CFAP47: variants seen among roughly 807,000 people sequenced by gnomAD.
CFAP47 encodes cilia and flagella associated protein 47.
Under a neutral mutation model 148.1 loss-of-function variants are expected in CFAP47, and 29 were observed. That is an observed-to-expected ratio of 0.20 (90% CI 0.15 to 0.27). The LOEUF is 0.27. CFAP47 is among the 10% of genes least tolerant of loss of function. CFAP47 has a pLI of 1.00. For missense variants in CFAP47, 1,872 were observed against 1,697.5 expected, an observed-to-expected ratio of 1.10 and a Z score of -1.81; for synonymous variants, 664 against 577.3, an observed-to-expected ratio of 1.15 and a Z score of -2.15.
chrX:35,970,863 A>C lies in CFAP47; in HGVS notation c.1910A>C (p.Tyr637Ser). The C allele has an allele frequency of 3.4e-6, 4 of 1,191,143 alleles. No homozygotes were observed. The highest frequency in any genetic ancestry group is 4.5e-6 in the Non-Finnish European group (4 of 881,825). ...EKQQKKLHEN[Y>S]YAMYLKYLRS... Reference sequence around the variant, plus strand: ...CAGCAAAAGAAATTACATGAAAACTATTATGCAATGTATCTTAAATATTTA... The same window carrying C: ...CAGCAAAAGAAATTACATGAAAACTCTTATGCAATGTATCTTAAATATTTA... The change falls in exon 11 of 64, where the codon TAT becomes TCT. Residue 637 changes from tyrosine (Y) to serine (S), a missense_variant. Tyr to Ser is a moderately radical substitution (Grantham distance 144). Transcript: ENST00000378653.
chrX:36,192,716 T>C (rs948539545), intron 42 of CFAP47, among the ~76,000 whole-genome samples: 3 of 111,795 alleles, frequency 2.7e-5, no homozygotes, highest in African/African-American at 9.8e-5. Flanking sequence ...TTCCACCTGG[T>C]AGATTTATCT....
intron 18 of CFAP47, among the ~76,000 whole-genome samples, chrX:35,995,519 G>A (rs1936836817): frequency 9.0e-6 from 1 of 111,249 alleles, no homozygotes; most frequent in Admixed American, 9.6e-5. Flanking sequence ...ATAAATATAT[G>A]GGGATTGGTG....
In CFAP47 at chrX:36,099,777, T is replaced by C; in HGVS notation, c.5025T>C (p.Ser1675=). Residue 1675 remains serine (S), a synonymous_variant, in exon 32 of 64, where the codon AGT becomes AGC. Transcript: ENST00000378653. ...CTTCCACTAATACGATGCCTGTGAGTTCCTGTACACCTAAGAAAAAATGTT... is the reference window on the plus strand; with the variant it reads ...CTTCCACTAATACGATGCCTGTGAGCTCCTGTACACCTAAGAAAAAATGTT... ...IMSSTNTMPV[S]SCTPKKKCSI... The C allele has an allele frequency of 1.2e-6, 1 of 864,540 alleles. No individual in the cohort carries two copies. Among genetic ancestry groups the C allele is most frequent in the Non-Finnish European group, 1.7e-6 (1 of 583,772 alleles). 71.2% of individuals were successfully genotyped at this position (864,540 alleles called of 1,213,427 possible).
intron 57 of CFAP47, among the ~76,000 whole-genome samples, chrX:36,332,297 T>G (rs1941571448): frequency 2.0e-5 from 1 of 50,081 alleles, no homozygotes; most frequent in South Asian, 1.7e-3. Context: ...TGAACTAAAA[T>G]TATCTTTTTT....
chrX:36,285,629 A>G lies in CFAP47; in HGVS notation c.7589A>G (p.Tyr2530Cys), dbSNP rs781908648. 19 of 832,928 alleles carry G rather than the reference A, an allele frequency of 2.3e-5. No individual in the cohort carries two copies. Among genetic ancestry groups the G allele is most frequent in the Non-Finnish European group, 3.2e-5 (18 of 570,513 alleles). The allele number at this position is 832,928 out of a possible 1,213,427, so 68.6% of individuals were successfully genotyped here. Residue 2530 changes from tyrosine to cysteine, a missense_variant and splice_region_variant, in exon 51 of 64, where the codon TAT becomes TGT. Coordinates refer to ENST00000378653, the MANE Select transcript of CFAP47 (RefSeq NM_001304548.2). ...AAAAGTGTTTTGTTTTGTTTTTCAG[A>G]TGGTAATTTTAACAATTTAAGATTC... ...QSSILDDADT[Y>C]GNFNNLRFWY... is the part of the protein sequence containing the mutation.
At chrX:36,351,791 A>C (rs59055176) in intron 59 of CFAP47, among the ~76,000 whole-genome samples, 11,818 of 110,876 alleles carry the variant, frequency 0.11, 516 homozygotes, top group East Asian at 0.26. Flanking sequence ...CCAAAATCTA[A>C]AATCTATGCT....
At chrX:36,376,474 T>C (rs1323075623) in intron 62 of CFAP47, among the ~76,000 whole-genome samples, 1 of 110,934 alleles carries the variant, frequency 9.0e-6, no homozygotes, top group Non-Finnish European at 1.9e-5. Flanking sequence ...AGTCAGAACA[T>C]TGGATGTCTG....
chrX:36,128,478 G>A (rs772496618), intron 33 of CFAP47, among the ~76,000 whole-genome samples: 27 of 110,793 alleles, frequency 2.4e-4, no homozygotes, highest in Non-Finnish European at 4.6e-4. Flanking sequence ...TGTAAATTTG[G>A]CATATAAGAT....
rs755026663 is a variant in CFAP47, at chrX:36,173,686, C to CT, written c.6027-5655dup. Reference sequence around the variant, plus strand: ...GAGACAGTTTGTTATAATTTCTATTCTTTTACATTTGCTGAGGAGAGCTTT... The same window carrying CT: ...GAGACAGTTTGTTATAATTTCTATTCTTTTTACATTTGCTGAGGAGAGCTTT... On this transcript the variant is annotated intron_variant, in intron 39 of 63. Transcript: ENST00000378653. Among the ~76,000 whole-genome samples, 240 of 111,697 alleles carry CT rather than the reference C, an allele frequency of 2.1e-3. 1 individual carries two copies. The highest frequency in any genetic ancestry group is 7.5e-3 in the African/African-American group (229 of 30,733).
chrX:36,005,964 A>G (rs1936977882), intron 21 of CFAP47, among the ~76,000 whole-genome samples: 1 of 111,109 alleles, frequency 9.0e-6, no homozygotes, highest in Admixed American at 9.6e-5. Context: ...AATGTTCTGC[A>G]GTAATTTATA....
At chrX:36,097,331 C>T (rs1022724288) in intron 30 of CFAP47, among the ~76,000 whole-genome samples, 4 of 110,587 alleles carry the variant, frequency 3.6e-5, no homozygotes, top group African/African-American at 1.3e-4. Context: ...CTTACTATTG[C>T]CTTTGAGTTT....
intron 54 of CFAP47, among the ~76,000 whole-genome samples, chrX:36,304,680 C>A (rs1238236556): frequency 9.0e-6 from 1 of 110,852 alleles, no homozygotes; most frequent in African/African-American, 3.3e-5. Flanking sequence ...GCCCATCCCC[C>A]ATTCCTCACC....
At position 36,039,080 on chromosome X, in the gene CFAP47, C is replaced by T. The variant is rs1452365154; in HGVS notation, c.3908C>T (p.Pro1303Leu). ...CATCTTACTGGGGAAGTAAAATCAC[C>T]AGAGTTATTGTTTGACCCTCCATTT... ...ILHLTGEVKS[P>L]ELLFDPPFIF... The change falls in exon 25 of 64, where the codon CCA becomes CTA. Residue 1303 changes from proline (P) to leucine (L), a missense_variant. Physicochemically the swap from Pro to Leu is moderately conservative, Grantham distance 98 (BLOSUM62 -3). Transcript: ENST00000378653. 9.0e-7 allele frequency: 1 copy of T among 1,109,810 alleles called. No individual in the cohort carries two copies. Among genetic ancestry groups the T allele is most frequent in the Admixed American group, 2.7e-5 (1 of 37,706 alleles). The allele number at this position is 1,109,810 out of a possible 1,213,427, so 91.5% of individuals were successfully genotyped here.
intron 1 of CFAP47, among the ~76,000 whole-genome samples, 184 bp downstream of exon 1, chrX:35,920,232 G>A (rs965443549): frequency 4.5e-5 from 5 of 111,314 alleles, no homozygotes; most frequent in African/African-American, 1.6e-4. Flanking sequence ...TTTCTGTTTT[G>A]TTTAGGATTA....
intron 61 of CFAP47, among the ~76,000 whole-genome samples, chrX:36,364,837 A>G (rs2146992949): frequency 9.8e-6 from 1 of 101,562 alleles, no homozygotes; most frequent in East Asian, 3.0e-4. Context: ...ACGTGTGTAC[A>G]TGATTCATCA....
At chrX:35,952,342 C>T (rs1314165114) in intron 6 of CFAP47, among the ~76,000 whole-genome samples, 1 of 111,495 alleles carries the variant, frequency 9.0e-6, no homozygotes, top group East Asian at 2.8e-4. Flanking sequence ...ATACTTCTGG[C>T]AGGGCAGAAT....
At chrX:36,107,636 T>A (rs1431891003) in intron 33 of CFAP47, among the ~76,000 whole-genome samples, 1 of 112,076 alleles carries the variant, frequency 8.9e-6, no homozygotes, top group Non-Finnish European at 1.9e-5. Flanking sequence ...CTTGAGGATA[T>A]AATTAACCTA....
chrX:36,008,897 C>G (rs192748108), intron 21 of CFAP47, among the ~76,000 whole-genome samples: 179 of 111,897 alleles, frequency 1.6e-3, no homozygotes, highest in Non-Finnish European at 2.5e-3. Context: ...TGTGAATAGT[C>G]ATCTCCAGAC....
intron 49 of CFAP47, among the ~76,000 whole-genome samples, chrX:36,275,046 A>C (rs1211110867): frequency 1.8e-5 from 2 of 111,537 alleles, no homozygotes; most frequent in Non-Finnish European, 3.8e-5. Flanking sequence ...TAATCATAAA[A>C]GGGTGTTGAA....
Sources: gnomAD v4.1 joint callset for allele counts (sites outside exome capture counted in the v4.1 genomes callset) on GRCh38, gnomAD v4.1.1 for gene constraint, MANE v1.5 for transcripts, NCBI Gene and HGNC (gene_info 2026-07-23, HGNC 2026-07-21) for gene names.